Variants in IL1RAPL2 observed in about 807,000 individuals in gnomAD.
IL1RAPL2 encodes the protein interleukin 1 receptor accessory protein like 2, also known as X-linked interleukin-1 receptor accessory protein-like 2.
IL1RAPL2 carries 3 observed loss-of-function variants against 44.1 expected under a neutral mutation model. The observed-to-expected ratio is 0.07, with a 90% CI of 0.03 to 0.18. The LOEUF is 0.18. Among genes scored for constraint, IL1RAPL2 ranks in the 10% least tolerant of loss-of-function variants. IL1RAPL2 has a pLI of 1.00. For synonymous variants in IL1RAPL2, 181 were observed against 178.8 expected (o/e 1.01, Z -0.10); for missense variants, 391 against 496.4 (o/e 0.79, Z 2.02).
intron 1 of IL1RAPL2, among the ~76,000 whole-genome samples, chrX:104,609,440 A>G (rs1929095878): frequency 1.8e-5 from 2 of 112,014 alleles, no homozygotes; most frequent in Middle Eastern, 4.6e-3. Flanking sequence ...TATCTTGAAG[A>G]GTGTTTTCTA....
chrX:105,453,260 C>T (rs1004871509), intron 5 of IL1RAPL2, among the ~76,000 whole-genome samples: 2 of 112,129 alleles, frequency 1.8e-5, no homozygotes, highest in Non-Finnish European at 3.8e-5. Flanking sequence ...AGGGTAAACT[C>T]TTGGTAAATA....
At chrX:105,025,229 G>A (rs1055553118) in intron 2 of IL1RAPL2, among the ~76,000 whole-genome samples, 2 of 111,245 alleles carry the variant, frequency 1.8e-5, no homozygotes, top group African/African-American at 6.5e-5. Context: ...ACAGGAGAAA[G>A]CTAAAACTTT....
At chrX:105,674,803 T>G (rs1569464264) in intron 6 of IL1RAPL2, among the ~76,000 whole-genome samples, 1 of 112,144 alleles carries the variant, frequency 8.9e-6, no homozygotes, top group Non-Finnish European at 1.9e-5. Flanking sequence ...CATGGAATAT[T>G]TTTTCATTTG....
chrX:104,753,796 A>C (rs1932302025), intron 2 of IL1RAPL2, among the ~76,000 whole-genome samples: 1 of 111,715 alleles, frequency 9.0e-6, no homozygotes, highest in African/African-American at 3.2e-5. Flanking sequence ...AGAATAAAAC[A>C]TATGCAGCTG....
intron 2 of IL1RAPL2, among the ~76,000 whole-genome samples, chrX:104,884,770 G>A (rs112605454): frequency 4.2e-4 from 47 of 111,584 alleles, no homozygotes; most frequent in African/African-American, 1.5e-3. Context: ...ACTATGCAAA[G>A]CTTGCAATTT....
intron 1 of IL1RAPL2, among the ~76,000 whole-genome samples, chrX:104,646,446 A>G (rs772507187): frequency 5.6e-4 from 62 of 111,234 alleles, no homozygotes; most frequent in Non-Finnish European, 8.5e-4. Context: ...TTCTACATAG[A>G]GAATGTTGTA....
chrX:105,553,125 A>T (rs1175408481), intron 6 of IL1RAPL2, among the ~76,000 whole-genome samples: 1 of 111,932 alleles, frequency 8.9e-6, no homozygotes, highest in African/African-American at 3.2e-5. Flanking sequence ...GTGAAAAGGA[A>T]CTCTCACTCA....
chrX:105,227,453 C>G (rs1452735867), intron 3 of IL1RAPL2, among the ~76,000 whole-genome samples: 4 of 111,549 alleles, frequency 3.6e-5, no homozygotes, highest in African/African-American at 1.3e-4. Context: ...ACTGTACAAG[C>G]CTAGAAGTAA....
intron 2 of IL1RAPL2, among the ~76,000 whole-genome samples, chrX:104,717,733 G>A (rs1448587722): frequency 9.2e-6 from 1 of 108,760 alleles, no homozygotes. Context: ...TTAGCGTTAG[G>A]TATCTCTCCT....
intron 6 of IL1RAPL2, among the ~76,000 whole-genome samples, chrX:105,687,573 G>T (rs147821821): frequency 0.015 from 1,642 of 110,578 alleles, 31 homozygotes; most frequent in African/African-American, 0.051. Context: ...CTCAGAAATT[G>T]AAATAATAAT....
chrX:104,760,959 C>A (rs979161801), intron 2 of IL1RAPL2, among the ~76,000 whole-genome samples: 2 of 111,452 alleles, frequency 1.8e-5, no homozygotes, highest in African/African-American at 6.5e-5. Context: ...TTTTTGTATA[C>A]AGTGAGAGAT....
chrX:104,571,065 CTT>C (rs1048724730), intron 1 of IL1RAPL2, among the ~76,000 whole-genome samples: 4 of 110,784 alleles, frequency 3.6e-5, no homozygotes, highest in African/African-American at 1.3e-4. Flanking sequence ...TGCATCCTGT[CTT>C]TTATTAAATG....
chrX:105,206,039 G>C, intron 3 of IL1RAPL2, among the ~76,000 whole-genome samples: 1 of 110,731 alleles, frequency 9.0e-6, no homozygotes, highest in African/African-American at 3.3e-5. Flanking sequence ...TCCTGGATGT[G>C]AGAAAAAGCT....
intron 6 of IL1RAPL2, among the ~76,000 whole-genome samples, chrX:105,553,335 T>A (rs1012459517): frequency 3.6e-5 from 4 of 111,799 alleles, no homozygotes; most frequent in Non-Finnish European, 7.5e-5. Context: ...AAGGAGGGCA[T>A]GTTGGGATCT....
At chrX:104,661,080 T>C (rs777690516) in intron 2 of IL1RAPL2, among the ~76,000 whole-genome samples, 3 of 111,858 alleles carry the variant, frequency 2.7e-5, no homozygotes, top group Admixed American at 9.6e-5. Context: ...ATTTGTGGCT[T>C]ACTAGGGTTT....
intron 3 of IL1RAPL2, among the ~76,000 whole-genome samples, chrX:105,213,597 GC>G (rs1800152808): frequency 9.0e-6 from 1 of 110,786 alleles, no homozygotes; most frequent in Admixed American, 9.6e-5. Flanking sequence ...AGCAAGACAG[GC>G]CAACATTCAA....
chrX:105,344,856 T>A (rs918657364), intron 5 of IL1RAPL2, among the ~76,000 whole-genome samples: 1 of 112,083 alleles, frequency 8.9e-6, no homozygotes, highest in African/African-American at 3.2e-5. Context: ...TTAAAGACAG[T>A]ACCTTACAAT....
At chrX:105,590,357 G>C in intron 6 of IL1RAPL2, among the ~76,000 whole-genome samples, 1 of 109,720 alleles carries the variant, frequency 9.1e-6, no homozygotes, top group Non-Finnish European at 1.9e-5. Flanking sequence ...TTCCTATTTG[G>C]ATGCATTTTT....
intron 1 of IL1RAPL2, among the ~76,000 whole-genome samples, chrX:104,572,743 G>A (rs1289758074): frequency 1.8e-5 from 2 of 111,127 alleles, no homozygotes; most frequent in South Asian, 3.9e-4. Flanking sequence ...GGGACTACAG[G>A]TGCATGCCAC....
Sources: gnomAD v4.1 joint callset for allele counts (sites outside exome capture counted in the v4.1 genomes callset) on GRCh38, gnomAD v4.1.1 for gene constraint, MANE v1.5 for transcripts, NCBI Gene and HGNC (gene_info 2026-07-23, HGNC 2026-07-21) for gene names.